The following GRID1 variants were observed in gnomAD, a reference collection of about 807,000 sequenced individuals.
GRID1 encodes the protein glutamate ionotropic receptor delta type subunit 1.
A neutral mutation model predicts 98.0 loss-of-function variants in GRID1; 28 were observed. The observed-to-expected ratio is 0.29, with a 90% CI of 0.21 to 0.39. GRID1 has a LOEUF of 0.39. GRID1 is among the 10% of genes least tolerant of loss of function. The probability of loss-of-function intolerance (pLI) is 1.00; values close to 1 mark genes in which losing one functional copy is unlikely to be tolerated. For missense variants in GRID1, 1,111 were observed against 1,340.5 expected, an observed-to-expected ratio of 0.83 and a Z score of 2.67; for synonymous variants, 553 against 538.5, an observed-to-expected ratio of 1.03 and a Z score of -0.37.
chr10:86,039,400 G>T (rs1843315232), intron 4 of GRID1, among the ~76,000 whole-genome samples: 1 of 152,156 alleles, frequency 6.6e-6, no homozygotes, highest in Non-Finnish European at 1.5e-5. Flanking sequence ...TCTAGCCCAT[G>T]TTAATGAATC....
intron 2 of GRID1, among the ~76,000 whole-genome samples, chr10:86,298,508 T>G (rs773201673): frequency 1.3e-4 from 20 of 152,036 alleles, no homozygotes; most frequent in Non-Finnish European, 1.9e-4. Flanking sequence ...GTGCTGGGGG[T>G]GTGGGGCTAT....
intron 8 of GRID1, among the ~76,000 whole-genome samples, chr10:85,796,198 C>G (rs1312756159): frequency 6.6e-6 from 1 of 152,138 alleles, no homozygotes; most frequent in Admixed American, 6.5e-5. Flanking sequence ...AATGCACAAA[C>G]CAGAAAACCC....
chr10:86,066,855 A>G (rs1843726196), intron 4 of GRID1, among the ~76,000 whole-genome samples: 1 of 152,194 alleles, frequency 6.6e-6, no homozygotes, highest in Admixed American at 6.5e-5. Context: ...GCAAACACCA[A>G]GAGCCACAGC....
chr10:86,002,132 G>A (rs572779803), intron 4 of GRID1, among the ~76,000 whole-genome samples: 141 of 152,258 alleles, frequency 9.3e-4, no homozygotes, highest in Middle Eastern at 3.4e-3. Flanking sequence ...TAACCTCACA[G>A]CATCTACAAA....
intron 12 of GRID1, among the ~76,000 whole-genome samples, chr10:85,712,460 C>T (rs189985720): frequency 1.3e-5 from 2 of 151,678 alleles, no homozygotes; most frequent in African/African-American, 2.4e-5. Flanking sequence ...GGAGAAATAG[C>T]GATACAAGAA....
intron 2 of GRID1, among the ~76,000 whole-genome samples, chr10:86,255,024 C>T (rs1846896334): frequency 6.6e-6 from 1 of 152,158 alleles, no homozygotes; most frequent in African/African-American, 2.4e-5. Flanking sequence ...ACCCCCAAGA[C>T]CAGGCCTGCC....
chr10:85,794,676 T>C (rs1842510107), intron 8 of GRID1, among the ~76,000 whole-genome samples: 1 of 152,238 alleles, frequency 6.6e-6, no homozygotes, highest in African/African-American at 2.4e-5. Context: ...ATTCAAAGTT[T>C]TACTTCTAAG....
intron 2 of GRID1, among the ~76,000 whole-genome samples, chr10:86,336,502 A>G (rs1370640055): frequency 6.6e-6 from 1 of 152,154 alleles, no homozygotes; most frequent in Non-Finnish European, 1.5e-5. Context: ...ATACAAGTGT[A>G]TGTCCACAAC....
rs149086737 is a variant in GRID1 at position 85,954,303 on chromosome 10, T to C, written c.727-38064A>G. Among the ~76,000 whole-genome samples the C allele has an allele frequency of 1.2e-3, 190 of 152,316 alleles. 4 individuals are homozygous for C. In the South Asian group the frequency reaches 0.02, roughly 16 times the overall value. ...AAGAGGTTTACCATCACTTCTACTATAAATCAATGACTTCCAATTATTGTA... is the reference window on the plus strand; with the variant it reads ...AAGAGGTTTACCATCACTTCTACTACAAATCAATGACTTCCAATTATTGTA... On this transcript the variant is annotated intron_variant, in intron 4 of 15. Transcript: ENST00000327946.
chr10:85,685,408 A>G (rs150334406), intron 12 of GRID1, among the ~76,000 whole-genome samples: 1 of 152,202 alleles, frequency 6.6e-6, no homozygotes, highest in Admixed American at 6.5e-5. Flanking sequence ...AAATTGAGAA[A>G]AAGAATGCTT....
At chr10:85,610,271 C>T (rs1395828673) in intron 15 of GRID1, among the ~76,000 whole-genome samples, 4 of 152,198 alleles carry the variant, frequency 2.6e-5, no homozygotes, top group South Asian at 2.1e-4. Context: ...AAAAGACTGT[C>T]GTTTTGAGCC....
rs562083587 is a variant in GRID1 at position 86,041,433 on chromosome 10, C to G, written c.726+97386G>C. 3.9e-5 allele frequency among the ~76,000 whole-genome samples: 6 copies of G among 152,326 alleles called. No individual in the cohort carries two copies. In the South Asian group the frequency reaches 1.0e-3, roughly 26 times the overall value. On this transcript the variant is annotated intron_variant, in intron 4 of 15. Transcript: ENST00000327946. ...TCCTGTTCCATGATCCACAAGAAAG[C>G]TGACCTTATTTAGAAACCTCCCTGG...
chr10:85,820,980 CT>C (rs1386254949), intron 8 of GRID1, among the ~76,000 whole-genome samples: 2 of 152,018 alleles, frequency 1.3e-5, no homozygotes, highest in Non-Finnish European at 1.5e-5. Flanking sequence ...CTTGTATCAG[CT>C]TTATTAAAAA....
At chr10:85,850,981 C>T (rs1483309490) in intron 8 of GRID1, among the ~76,000 whole-genome samples, 1 of 152,172 alleles carries the variant, frequency 6.6e-6, no homozygotes, top group Non-Finnish European at 1.5e-5. Context: ...CACCCAGCAG[C>T]TTCCCACACA....
chr10:86,144,968 C>T (rs1309578555), intron 3 of GRID1, among the ~76,000 whole-genome samples: 1 of 152,224 alleles, frequency 6.6e-6, no homozygotes, highest in Non-Finnish European at 1.5e-5. Flanking sequence ...CAACAGTGTC[C>T]TGCAGGGTCC....
chr10:86,206,215 A>T lies in GRID1; in HGVS notation c.520+149T>A. The T allele has an allele frequency of 1.6e-6, 1 of 644,452 alleles. No individual in the cohort carries two copies. The highest frequency in any genetic ancestry group is 2.6e-6 in the Non-Finnish European group (1 of 383,024). 39.9% of individuals were successfully genotyped at this position (644,452 alleles called of 1,614,324 possible). On this transcript the variant is annotated intron_variant, in intron 3 of 15. Coordinates refer to ENST00000327946, the MANE Select transcript of GRID1 (RefSeq NM_017551.3). The surrounding 1 kb of genome is among the most constrained non-coding windows in gnomAD (Gnocchi z 4.1). ...CTGTTGTTGCAGCTCTTCCTGACTC[A>T]TGAAGCTCGAGGTTTGACCCTATCA...
At chr10:86,132,994 C>G (rs12265303) in intron 4 of GRID1, among the ~76,000 whole-genome samples, 3,911 of 152,314 alleles carry the variant, frequency 0.026, 176 homozygotes, top group African/African-American at 0.088. Flanking sequence ...AACTAACCAG[C>G]TTTTCTCTCT....
chr10:85,884,968 A>T (rs1589287440), intron 5 of GRID1, among the ~76,000 whole-genome samples: 1 of 126,886 alleles, frequency 7.9e-6, no homozygotes, highest in African/African-American at 3.3e-5. Context: ...ATCAGAAAGT[A>T]AAAAAAAAGA....
chr10:86,306,830 C>G (rs1365929133), intron 2 of GRID1, among the ~76,000 whole-genome samples: 2 of 152,220 alleles, frequency 1.3e-5, no homozygotes, highest in Non-Finnish European at 2.9e-5. Flanking sequence ...CTTACCAGAG[C>G]TTAGGATAAC....
Sources: gnomAD v4.1 joint callset for allele counts (sites outside exome capture counted in the v4.1 genomes callset) on GRCh38, gnomAD v4.1.1 for gene constraint, Gnocchi (gnomAD v3.1) non-coding constraint, MANE v1.5 for transcripts, NCBI Gene and HGNC (gene_info 2026-07-23, HGNC 2026-07-21) for gene names.